The following CTNNBL1 variants were observed in gnomAD, a reference collection of about 807,000 sequenced individuals.
CTNNBL1 encodes catenin beta like 1, also known as beta-catenin-like protein 1.
In CTNNBL1, 31 loss-of-function variants were observed where a neutral mutation model predicts 72.7. The observed-to-expected ratio is 0.43, with a 90% CI of 0.32 to 0.58. The LOEUF (loss-of-function observed/expected upper bound fraction) is 0.58, where lower values mean the gene tolerates loss of function less well. CTNNBL1 is among the 20% of genes least tolerant of loss of function. The pLI is 0.08. For missense variants in CTNNBL1, 534 were observed against 725.1 expected (o/e 0.74, Z 3.03); for synonymous variants, 240 against 267.3 (o/e 0.90, Z 1.00).
In CTNNBL1 at chr20:37,860,275, C is replaced by G; in HGVS notation, c.1534C>G (p.Arg512Gly). Residue 512 changes from arginine (R) to glycine (G), a missense_variant, in exon 15 of 16, where the codon CGC (arginine) becomes GGC (glycine). Physicochemically the swap from Arg to Gly is moderately radical, Grantham distance 125. Coordinates refer to ENST00000361383, the MANE Select transcript of CTNNBL1 (RefSeq NM_030877.5). ...TACCCATTTTTTCCCTTATTAGATT[C>G]GCCAGAGGGTTCACCAGATCCTAAA... Reference protein sequence around the residue: ...EICNANVPQIRQRVHQILNMR... With the variant: ...EICNANVPQIGQRVHQILNMR... The G allele has an allele frequency of 3.1e-6, 5 of 1,613,762 alleles. No individual in the cohort carries two copies. Among genetic ancestry groups the G allele is most frequent in the Non-Finnish European group, 4.2e-6 (5 of 1,179,696 alleles).
chr20:37,859,756 T>C, intron 13 of CTNNBL1, 143 bp from the exon 14 acceptor site: 2 of 770,052 alleles, frequency 2.6e-6, no homozygotes, highest in South Asian at 1.9e-5. Context: ...AAGGGAGATG[T>C]AGACAAATCA....
intron 9 of CTNNBL1, among the ~76,000 whole-genome samples, 180 bp from the exon 10 acceptor site, chr20:37,779,007 T>C (rs1267618680): frequency 1.2e-4 from 18 of 152,000 alleles, no homozygotes; most frequent in Non-Finnish European, 2.2e-4. Flanking sequence ...TTTGCATGTA[T>C]TTAATATATG....
At chr20:37,789,143 T>C (rs1238456377) in intron 10 of CTNNBL1, among the ~76,000 whole-genome samples, 1 of 152,098 alleles carries the variant, frequency 6.6e-6, no homozygotes, top group Non-Finnish European at 1.5e-5. Context: ...TTGCTCACAT[T>C]AGTGTCTTGA....
At chr20:37,742,365 C>T (rs746744805) in intron 3 of CTNNBL1, among the ~76,000 whole-genome samples, 3 of 152,170 alleles carry the variant, frequency 2.0e-5, no homozygotes, top group Non-Finnish European at 2.9e-5. Context: ...CCAAGGCCTG[C>T]GTCAGGTGCT....
At chr20:37,791,752 G>A (rs142977013) in intron 10 of CTNNBL1, among the ~76,000 whole-genome samples, 80 of 152,250 alleles carry the variant, frequency 5.3e-4, no homozygotes, top group East Asian at 1.2e-3. Context: ...CTGCGCGTGC[G>A]AGCGATCTAA....
At chr20:37,772,154 T>C (rs989298709) in intron 7 of CTNNBL1, among the ~76,000 whole-genome samples, 5 of 152,156 alleles carry the variant, frequency 3.3e-5, no homozygotes, top group Non-Finnish European at 5.9e-5. Context: ...TCTCCAAATA[T>C]CTCTAAATTT....
intron 7 of CTNNBL1, among the ~76,000 whole-genome samples, chr20:37,770,930 C>T (rs1014277367): frequency 6.6e-6 from 1 of 152,188 alleles, no homozygotes; most frequent in Non-Finnish European, 1.5e-5. Flanking sequence ...CGCAGCAATG[C>T]CTTGCTCTTA....
At chr20:37,810,024 G>T (rs1265472232) in intron 11 of CTNNBL1, among the ~76,000 whole-genome samples, 1 of 148,982 alleles carries the variant, frequency 6.7e-6, no homozygotes, top group Non-Finnish European at 1.5e-5. Flanking sequence ...TCAATACATG[G>T]TTTTTTTTTT....
chr20:37,810,143 A>G (rs986215684), intron 11 of CTNNBL1, among the ~76,000 whole-genome samples: 3 of 152,138 alleles, frequency 2.0e-5, no homozygotes, highest in Non-Finnish European at 2.9e-5. Flanking sequence ...TTGTGTTGCT[A>G]TAACAGAATA....
intron 4 of CTNNBL1, chr20:37,750,167 G>A (rs2073305551): frequency 6.6e-6 from 1 of 152,218 alleles, no homozygotes; most frequent in South Asian, 2.1e-4. Context: ...ACCGTGAGAA[G>A]CAGCTTCAGA....
intron 1 of CTNNBL1, among the ~76,000 whole-genome samples, chr20:37,708,735 T>G (rs753898566): frequency 7.8e-4 from 119 of 152,288 alleles, no homozygotes; most frequent in Non-Finnish European, 1.5e-3. Flanking sequence ...CCTTTCTATC[T>G]TTTAACTCAC....
intron 1 of CTNNBL1, among the ~76,000 whole-genome samples, chr20:37,705,324 A>G (rs998109157): frequency 2.0e-5 from 3 of 152,244 alleles, no homozygotes; most frequent in Non-Finnish European, 4.4e-5. Context: ...TTTCTTAAAA[A>G]TAAAGGATTA....
chr20:37,715,627 T>A (rs1169169400), intron 1 of CTNNBL1, among the ~76,000 whole-genome samples: 1 of 152,246 alleles, frequency 6.6e-6, no homozygotes, highest in African/African-American at 2.4e-5. Context: ...AATTCCCTTG[T>A]GTACAGGGTT....
intron 10 of CTNNBL1, among the ~76,000 whole-genome samples, chr20:37,787,748 A>G (rs1271020806): frequency 1.3e-5 from 2 of 151,844 alleles, no homozygotes; most frequent in Non-Finnish European, 1.5e-5. Flanking sequence ...TGTTTGTTTT[A>G]TGGTTTCCTT....
intron 15 of CTNNBL1, among the ~76,000 whole-genome samples, 165 bp downstream of exon 15, chr20:37,860,509 G>T (rs1474623): frequency 0.76 from 116,152 of 152,182 alleles, 44,475 homozygotes; most frequent in East Asian, 0.85. Flanking sequence ...GTCAGAATAC[G>T]GAAGACTAGC....
intron 1 of CTNNBL1, among the ~76,000 whole-genome samples, chr20:37,725,750 G>A (rs1437197940): frequency 6.6e-6 from 1 of 151,692 alleles, no homozygotes; most frequent in Admixed American, 6.6e-5. Flanking sequence ...TTGGGAGACC[G>A]AGGCAGGCTG....
At chr20:37,723,798 CT>C (rs1002023267) in intron 1 of CTNNBL1, among the ~76,000 whole-genome samples, 18 of 152,274 alleles carry the variant, frequency 1.2e-4, no homozygotes, top group Admixed American at 7.8e-4. Flanking sequence ...TAATTATGAA[CT>C]TTGGCTGATG....
chr20:37,765,163 A>T, intron 5 of CTNNBL1, 34 bp from the exon 6 acceptor site: 1 of 1,443,854 alleles, frequency 6.9e-7, no homozygotes, highest in Admixed American at 2.0e-5. Flanking sequence ...ATTTTATGAC[A>T]TCCCTCTCTC....
intron 7 of CTNNBL1, among the ~76,000 whole-genome samples, chr20:37,772,901 AACAAATCAACCCCC>A (rs2073538519): frequency 6.6e-6 from 1 of 152,164 alleles, no homozygotes; most frequent in Non-Finnish European, 1.5e-5. Flanking sequence ...CTCTTCATCC[AACAAATCAACCCCC>A]ACTAATTTAT....
Sources: gnomAD v4.1 joint callset for allele counts (sites outside exome capture counted in the v4.1 genomes callset) on GRCh38, gnomAD v4.1.1 for gene constraint, MANE v1.5 for transcripts, NCBI Gene and HGNC (gene_info 2026-07-23, HGNC 2026-07-21) for gene names.